Variants in PTPRR observed in about 807,000 individuals in gnomAD.
PTPRR encodes protein tyrosine phosphatase receptor type R.
A neutral mutation model predicts 77.2 loss-of-function variants in PTPRR; 38 were observed. The observed-to-expected ratio is 0.49, with a 90% CI of 0.38 to 0.65. The LOEUF is 0.65. Ranked by LOEUF, PTPRR falls within the 30% of genes least tolerant of loss-of-function variation. The probability of loss-of-function intolerance (pLI) is 0.00; values close to 1 mark genes in which losing one functional copy is unlikely to be tolerated. For missense variants in PTPRR, 744 were observed against 799.2 expected (o/e 0.93, Z 0.83); for synonymous variants, 299 against 283.1 (o/e 1.06, Z -0.57).
At chr12:70,897,324 C>T (rs968176207) in intron 1 of PTPRR, among the ~76,000 whole-genome samples, 2 of 151,810 alleles carry the variant, frequency 1.3e-5, no homozygotes, top group African/African-American at 4.8e-5. Context: ...AACAAACAAC[C>T]CCATCAAAAA....
intron 8 of PTPRR, among the ~76,000 whole-genome samples, chr12:70,693,099 C>T (rs780257965): frequency 6.6e-5 from 10 of 152,046 alleles, no homozygotes; most frequent in Non-Finnish European, 1.0e-4. Context: ...TAGAAGTTTC[C>T]ATAAACATCC....
At chr12:70,705,492 C>A (rs1888585388) in intron 6 of PTPRR, among the ~76,000 whole-genome samples, 1 of 139,094 alleles carries the variant, frequency 7.2e-6, no homozygotes, top group Admixed American at 7.3e-5. Flanking sequence ...CATTTAGCAA[C>A]CAATAAAGAA....
At chr12:70,737,486 A>ATTATCTATC (rs1555171432) in intron 6 of PTPRR, among the ~76,000 whole-genome samples, 29 of 144,242 alleles carry the variant, frequency 2.0e-4, no homozygotes, top group African/African-American at 6.0e-4. Flanking sequence ...TATTTAATGA[A>ATTATCTATC]TATCTATCTA....
At chr12:70,900,630 A>G (rs1893517035) in intron 1 of PTPRR, among the ~76,000 whole-genome samples, 2 of 151,662 alleles carry the variant, frequency 1.3e-5, no homozygotes, top group Non-Finnish European at 1.5e-5. Context: ...CACACATCTG[A>G]TAAGGAGTTA....
At chr12:70,760,772 T>G (rs577070626) in intron 4 of PTPRR, among the ~76,000 whole-genome samples, 1 of 152,326 alleles carries the variant, frequency 6.6e-6, no homozygotes, top group South Asian at 2.1e-4. Context: ...CAGTTTAATT[T>G]CATGATTCCA....
At chr12:70,665,484 C>A (rs934102563) in intron 10 of PTPRR, among the ~76,000 whole-genome samples, 2 of 143,652 alleles carry the variant, frequency 1.4e-5, no homozygotes, top group East Asian at 2.2e-4. Context: ...CGGGTTCAAG[C>A]GATTCTCCCG....
intron 6 of PTPRR, among the ~76,000 whole-genome samples, chr12:70,716,336 T>TAAAAA (rs66838692): frequency 7.1e-6 from 1 of 141,524 alleles, no homozygotes; most frequent in Non-Finnish European, 1.5e-5. Flanking sequence ...GTCTTCTAAG[T>TAAAAA]AAAAAAAAAA....
chr12:70,719,895 A>C (rs1339898617), intron 6 of PTPRR, among the ~76,000 whole-genome samples: 1 of 152,212 alleles, frequency 6.6e-6, no homozygotes, highest in African/African-American at 2.4e-5. Flanking sequence ...CTCAAGTAGG[A>C]TTGTTGAGGA....
intron 6 of PTPRR, among the ~76,000 whole-genome samples, chr12:70,737,108 C>T (rs1041986146): frequency 1.3e-5 from 2 of 152,110 alleles, no homozygotes; most frequent in African/African-American, 4.8e-5. Context: ...AGTTATGCCT[C>T]CACCATCCCT....
intron 2 of PTPRR, among the ~76,000 whole-genome samples, chr12:70,803,546 G>T (rs1418287291): frequency 6.6e-6 from 1 of 152,152 alleles, no homozygotes; most frequent in East Asian, 1.9e-4. Flanking sequence ...GATCTCACAG[G>T]ACCACTGGAT....
intron 8 of PTPRR, among the ~76,000 whole-genome samples, chr12:70,693,379 C>A (rs539269826): frequency 1.3e-5 from 2 of 152,090 alleles, no homozygotes; most frequent in Admixed American, 1.3e-4. Flanking sequence ...TCACTGCGAC[C>A]TCAACCTCCC....
intron 13 of PTPRR, among the ~76,000 whole-genome samples, chr12:70,646,307 G>T (rs1886196892): frequency 6.6e-6 from 1 of 152,074 alleles, no homozygotes; most frequent in Non-Finnish European, 1.5e-5. Flanking sequence ...TATCAAGGAG[G>T]GAGAACTTAA....
chr12:70,680,665 G>T (rs773053493), intron 10 of PTPRR, among the ~76,000 whole-genome samples: 5 of 151,988 alleles, frequency 3.3e-5, no homozygotes, highest in Non-Finnish European at 5.9e-5. Context: ...GCATGCAGCA[G>T]CCAGTCTGCC....
chr12:70,715,997 G>T (rs1321399447), intron 6 of PTPRR, among the ~76,000 whole-genome samples: 4 of 152,210 alleles, frequency 2.6e-5, no homozygotes, highest in Non-Finnish European at 4.4e-5. Flanking sequence ...AGAGATTGCA[G>T]TAAAGACAGG....
intron 2 of PTPRR, among the ~76,000 whole-genome samples, chr12:70,768,777 C>G (rs532166228): frequency 4.0e-5 from 6 of 151,864 alleles, no homozygotes; most frequent in Middle Eastern, 3.4e-3. Context: ...ACGGGCAAAC[C>G]GAATCCAGCA....
intron 12 of PTPRR, among the ~76,000 whole-genome samples, chr12:70,657,766 C>G (rs1886638197): frequency 6.6e-6 from 1 of 152,182 alleles, no homozygotes; most frequent in African/African-American, 2.4e-5. Context: ...CCATCTTTTA[C>G]ATCTCTCCCT....
Position 70,701,166 on chromosome 12 carries a change from T to A in PTPRR, c.1165A>T (p.Ser389Cys), listed in dbSNP as rs759616619. Residue 389 changes from serine (S) to cysteine (C), a missense_variant, in exon 7 of 14, where the codon AGT becomes TGT. This residue lies in a region of PTPRR where 570 missense variants were observed against 573.2 expected (regional missense o/e 0.99). Coordinates refer to ENST00000283228, the MANE Select transcript of PTPRR (RefSeq NM_002849.4). ...TRSQLRDVVA[S>C]SHLLQSEFME... ...AATTCACTTTGGAGTAAATGTGAACTTGCCACGACGTCCCTCAGCTGAGAC... is the reference window on the plus strand; with the variant it reads ...AATTCACTTTGGAGTAAATGTGAACATGCCACGACGTCCCTCAGCTGAGAC... 1 of 1,613,926 alleles carries A rather than the reference T, an allele frequency of 6.2e-7. No homozygotes were observed. Among genetic ancestry groups the A allele is most frequent in the Non-Finnish European group, 8.5e-7 (1 of 1,179,932 alleles).
intron 2 of PTPRR, among the ~76,000 whole-genome samples, chr12:70,839,861 C>T (rs758820656): frequency 6.6e-6 from 1 of 152,150 alleles, no homozygotes; most frequent in African/African-American, 2.4e-5. Context: ...CCAGATAAAA[C>T]TACTAGTCGT....
At chr12:70,802,491 A>G (rs113955009) in intron 2 of PTPRR, among the ~76,000 whole-genome samples, 1,853 of 152,300 alleles carry the variant, frequency 0.012, 43 homozygotes, top group African/African-American at 0.042. Flanking sequence ...CAGGGCAGTG[A>G]TTTTGTTATT....
Sources: allele counts gnomAD v4.1 joint callset (sites outside exome capture counted in the v4.1 genomes callset), GRCh38; gene constraint gnomAD v4.1.1; regional missense constraint gnomAD v4.1.1; transcripts MANE v1.5; gene names NCBI Gene and HGNC (gene_info 2026-07-23, HGNC 2026-07-21).